The following ZFP37 variants were observed in gnomAD, a reference collection of about 807,000 sequenced individuals.
The protein encoded by ZFP37 is zinc finger protein 37 homolog.
ZFP37 carries 38 observed loss-of-function variants against 52.1 expected under a neutral mutation model. The observed-to-expected ratio is 0.73, with a 90% CI of 0.56 to 0.96. The LOEUF is 0.96. Ranked by LOEUF, ZFP37 falls within the 40% of genes least tolerant of loss-of-function variation. ZFP37 has a pLI of 0.00. For missense variants in ZFP37, 695 were observed against 741.4 expected (o/e 0.94, Z 0.73); for synonymous variants, 253 against 259.5 (o/e 0.98, Z 0.24).
chr9:113,049,375 T>C lies in ZFP37; in HGVS notation c.336A>G (p.Lys112=). The C allele has an allele frequency of 1.9e-6, 3 of 1,612,778 alleles. No individual in the cohort carries two copies. Among genetic ancestry groups the C allele is most frequent in the Non-Finnish European group, 2.5e-6 (3 of 1,179,662 alleles). ...GTTACAACTTACTTCCATCAGTTTC[T>C]TTTTGCTTGGGTCTTGCTATTTTAC... The part of the protein sequence containing the change: ...CPSKIARPKQ[K]ETDGKVQKDD... Residue 112 remains lysine, a synonymous_variant, in exon 3 of 4, where the codon AAA becomes AAG. Transcript: ENST00000374227.
Position 113,043,374 on chromosome 9 carries a change from C to T in ZFP37, c.1244G>A (p.Arg415Lys). The T allele has an allele frequency of 6.2e-7, 1 of 1,614,128 alleles. No individual in the cohort carries two copies. The highest frequency in any genetic ancestry group is 2.2e-5 in the East Asian group (1 of 44,874). ...ATGTTCGGTAAGAGATGAGTTATAC[C>T]TAAAAGACTTCCCACATTCCTTACA... ...YECKECGKSF[R>K]YNSSLTEHVR... is the part of the protein sequence containing the mutation. Residue 415 changes from arginine (R) to lysine (K), a missense_variant, in exon 4 of 4, where the codon AGG becomes AAG. Coordinates refer to ENST00000374227, the MANE Select transcript of ZFP37 (RefSeq NM_003408.3).
rs1447776645 is a variant in ZFP37, at chr9:113,052,090, A to G, written c.133-2218T>C. Among the ~76,000 whole-genome samples the G allele has an allele frequency of 6.6e-6, 1 of 152,048 alleles. No homozygotes were observed. Among genetic ancestry groups the G allele is most frequent in the Non-Finnish European group, 1.5e-5 (1 of 68,004 alleles). On this transcript the variant is annotated intron_variant, in intron 1 of 3. Coordinates refer to ENST00000374227, the MANE Select transcript of ZFP37 (RefSeq NM_003408.3). The surrounding 1 kb of genome is among the most constrained non-coding windows in gnomAD (Gnocchi z 4.1). ...CTCATCTTATCAATCCCCAATCACT[A>G]AACAGAATTCTCAAGCAGTGGCCTT...
rs1030387714 is a variant in ZFP37 at position 113,043,777 on chromosome 9, T to C, written c.841A>G (p.Thr281Ala). 6.2e-6 allele frequency: 10 copies of C among 1,613,930 alleles called. No individual in the cohort carries two copies. The highest frequency in any genetic ancestry group is 1.3e-5 in the African/African-American group (1 of 74,934). ...CAAGCTTGAGGTTTTTCATGCTTAG[T>C]AGATGAGCTAAGGCTGGGTGATTTC... is the stretch of plus-strand genomic sequence containing the variant. ...HEKSPSLSSS[T>A]KHEKPQACVK... The change falls in exon 4 of 4, where the codon ACT (threonine) becomes GCT (alanine). Residue 281 changes from threonine (T) to alanine (A), a missense_variant. By Grantham distance (58) the Thr-to-Ala change is moderately conservative. This residue lies in a region of ZFP37 where 369 missense variants were observed against 340.9 expected (regional missense o/e 1.08). Transcript: ENST00000374227.
At chr9:113,046,172 A>ATAGACAGATATATATCTATATG (rs1564344854) in intron 3 of ZFP37, among the ~76,000 whole-genome samples, 4 of 149,684 alleles carry the variant, frequency 2.7e-5, no homozygotes, top group Non-Finnish European at 5.9e-5. Context: ...ATATCTATAT[A>ATAGACAGATATATATCTATATG]TAGACAGATA....
intron 1 of ZFP37, among the ~76,000 whole-genome samples, chr9:113,054,523 G>A (rs1829109017): frequency 6.6e-6 from 1 of 152,002 alleles, no homozygotes; most frequent in Non-Finnish European, 1.5e-5. Flanking sequence ...ATATATAGTG[G>A]CTACCCAATA....
intron 3 of ZFP37, among the ~76,000 whole-genome samples, chr9:113,046,026 A>T (rs1046137720): frequency 2.0e-5 from 3 of 152,088 alleles, no homozygotes. Flanking sequence ...AACCAAAAAG[A>T]GTTACGGTAT....
At chr9:113,050,017 T>C in intron 1 of ZFP37, 145 bp from the exon 2 acceptor site, 1 of 1,303,518 alleles carries the variant, frequency 7.7e-7, no homozygotes, top group Non-Finnish European at 1.0e-6. Flanking sequence ...TCACTGTTGA[T>C]CATGATATTA....
chr9:113,052,161 C>A lies in ZFP37; in HGVS notation c.133-2289G>T, dbSNP rs1202289646. Among the ~76,000 whole-genome samples, 1 of 152,188 alleles carries A rather than the reference C, an allele frequency of 6.6e-6. No individual in the cohort carries two copies. Among genetic ancestry groups the A allele is most frequent in the Non-Finnish European group, 1.5e-5 (1 of 68,026 alleles). On this transcript the variant is annotated intron_variant, in intron 1 of 3. Coordinates refer to ENST00000374227, the MANE Select transcript of ZFP37 (RefSeq NM_003408.3). The surrounding 1 kb of genome is among the most constrained non-coding windows in gnomAD (Gnocchi z 4.1). ...CCAGCAAATTCCACTCCTCCCTCAACCTCTTTAGCCACTCCCTTCATTTGC... is the reference window on the plus strand; with the variant it reads ...CCAGCAAATTCCACTCCTCCCTCAAACTCTTTAGCCACTCCCTTCATTTGC...
chr9:113,048,249 A>G (rs1313452430), intron 3 of ZFP37, among the ~76,000 whole-genome samples: 1 of 152,206 alleles, frequency 6.6e-6, no homozygotes, highest in African/African-American at 2.4e-5. Context: ...AATGGAAATG[A>G]TGATGTGCTA....
intron 1 of ZFP37, 52 bp downstream of exon 1, chr9:113,056,505 C>G (rs1434245798): frequency 2.5e-6 from 4 of 1,601,118 alleles, no homozygotes; most frequent in African/African-American, 1.3e-5. Flanking sequence ...CACTGCCCCG[C>G]AAGTACACCA....
Position 113,043,011 on chromosome 9 carries a change from T to C in ZFP37, c.1607A>G (p.Gln536Arg). The change falls in exon 4 of 4, where the codon CAG (glutamine) becomes CGG (arginine). Residue 536 changes from glutamine to arginine, a missense_variant. This residue lies in a region of ZFP37 where 326 missense variants were observed against 400.5 expected (regional missense o/e 0.81). Transcript: ENST00000374227. ...FKQIEGLTQHQRVHTGEKPYE... is the reference protein window; with the variant it reads ...FKQIEGLTQHRRVHTGEKPYE... ...CGGTTTCTCTCCAGTATGAACTCTC[T>C]GATGTTGAGTAAGGCCTTCAATTTG... 6.2e-7 allele frequency: 1 copy of C among 1,613,824 alleles called. No individual in the cohort carries two copies. Among genetic ancestry groups the C allele is most frequent in the Middle Eastern group, 1.7e-4 (1 of 6,058 alleles).
At position 113,044,215 on chromosome 9, in the gene ZFP37, G is replaced by A; in HGVS notation, c.403C>T (p.Leu135Phe). The A allele has an allele frequency of 2.5e-6, 4 of 1,581,764 alleles. No individual in the cohort carries two copies. The South Asian group carries it at 4.7e-5, about 19-fold the overall frequency. ...LENIQKSQNKLLREVAVKKKT... is the reference protein window; with the variant it reads ...LENIQKSQNKFLREVAVKKKT... ...TTCTTGACTGCAACTTCCCTGAGGA[G>A]TTTGTTTTGAGATTTCTGGATATTT... The change falls in exon 4 of 4, where the codon CTC (leucine) becomes TTC (phenylalanine). Residue 135 changes from leucine (L) to phenylalanine (F), a missense_variant. This residue lies in a region of ZFP37 where 369 missense variants were observed against 340.9 expected (regional missense o/e 1.08). Transcript: ENST00000374227.
chr9:113,048,439 T>C (rs1828997334), intron 3 of ZFP37, among the ~76,000 whole-genome samples: 1 of 151,956 alleles, frequency 6.6e-6, no homozygotes, highest in South Asian at 2.1e-4. Context: ...AAGCTGAGGA[T>C]ATTAGGAAAA....
Position 113,043,852 on chromosome 9 carries a change from T to A in ZFP37, c.766A>T (p.Ser256Cys). The change falls in exon 4 of 4, where the codon AGT becomes TGT. Residue 256 changes from serine to cysteine, a missense_variant. Ser to Cys is a moderately radical substitution (Grantham distance 112, BLOSUM62 -1). Coordinates refer to ENST00000374227, the MANE Select transcript of ZFP37 (RefSeq NM_003408.3). ...GKKHDKLCCHSSSHIKQDKIQ... is the reference protein window; with the variant it reads ...GKKHDKLCCHCSSHIKQDKIQ... ...TTGTCCTGTTTAATATGGGATGAAC[T>A]ATGACAGCATAATTTGTCATGTTTT... is the stretch of plus-strand genomic sequence containing the variant. 1 of 1,614,088 alleles carries A rather than the reference T, an allele frequency of 6.2e-7. No individual in the cohort carries two copies. Among genetic ancestry groups the A allele is most frequent in the Non-Finnish European group, 8.5e-7 (1 of 1,179,958 alleles).
In ZFP37 at chr9:113,043,153, A is replaced by C; in HGVS notation, c.1465T>G (p.Tyr489Asp). The C allele has an allele frequency of 6.2e-7, 1 of 1,613,786 alleles. No homozygotes were observed. The highest frequency in any genetic ancestry group is 1.3e-5 in the African/African-American group (1 of 75,018). ...GCTTTTCCACACTCATTACATTTAT[A>C]AGGTTTCTCCTTAGTATGAGTTCTT... ...HQRTHTKEKPYKCNECGKAFG... is the reference protein window; with the variant it reads ...HQRTHTKEKPDKCNECGKAFG... Residue 489 changes from tyrosine (Y) to aspartate (D), a missense_variant, in exon 4 of 4, where the codon TAT becomes GAT. Coordinates refer to ENST00000374227, the MANE Select transcript of ZFP37 (RefSeq NM_003408.3).
Position 113,040,247 on chromosome 9 carries a change from T to A in ZFP37, c.*2478A>T, listed in dbSNP as rs780980599. The A allele has an allele frequency of 1.3e-5, 2 of 152,240 alleles. No individual in the cohort carries two copies. Among genetic ancestry groups the A allele is most frequent in the African/African-American group, 2.4e-5 (1 of 41,466 alleles). 9.4% of individuals were successfully genotyped at this position (152,240 alleles called of 1,614,324 possible). On this transcript the variant is annotated 3_prime_UTR_variant, in exon 4 of 4. Transcript: ENST00000374227. ...ATTCTCACTGTCTCAGATGTGGCAATACTATGGGTTCCCCAAGACATGTGG... is the reference window on the plus strand; with the variant it reads ...ATTCTCACTGTCTCAGATGTGGCAAAACTATGGGTTCCCCAAGACATGTGG...
At position 113,043,085 on chromosome 9, in the gene ZFP37, A is replaced by ATGAGTTC; in HGVS notation, c.1526_1532dup (p.His511GlnfsTer6). 6.2e-7 allele frequency: 1 copy of ATGAGTTC among 1,613,622 alleles called. No individual in the cohort carries two copies. The highest frequency in any genetic ancestry group is 8.5e-7 in the Non-Finnish European group (1 of 1,179,964). ...TACATTCAAAGGGACTTTCACCTGT[A>ATGAGTTC]TGAGTTCTCATATGGTAAGTAAGAG... On this transcript the variant is annotated frameshift_variant, in exon 4 of 4. Coordinates refer to ENST00000374227, the MANE Select transcript of ZFP37 (RefSeq NM_003408.3). LOFTEE classifies it high-confidence loss of function.
intron 3 of ZFP37, among the ~76,000 whole-genome samples, chr9:113,046,407 C>A (rs1278722178): frequency 2.0e-5 from 3 of 151,844 alleles, no homozygotes; most frequent in Non-Finnish European, 4.4e-5. Context: ...TCTTTCAATG[C>A]CCAAGGATGA....
chr9:113,053,753 C>T (rs1336084774), intron 1 of ZFP37, among the ~76,000 whole-genome samples: 1 of 152,114 alleles, frequency 6.6e-6, no homozygotes, highest in Non-Finnish European at 1.5e-5. Context: ...ATACAATATA[C>T]CTTCTCTTCT....
Sources: allele counts gnomAD v4.1 joint callset (sites outside exome capture counted in the v4.1 genomes callset), GRCh38; gene constraint gnomAD v4.1.1; regional missense constraint gnomAD v4.1.1; non-coding constraint Gnocchi (gnomAD v3.1); transcripts MANE v1.5; gene names NCBI Gene and HGNC (gene_info 2026-07-23, HGNC 2026-07-21).